STAG1: variants seen among roughly 807,000 people sequenced by gnomAD.
STAG1 encodes STAG1 cohesin complex component.
STAG1 carries 26 observed loss-of-function variants against 170.9 expected under a neutral mutation model. That is an observed-to-expected ratio of 0.15 (90% CI 0.11 to 0.21). STAG1 has a LOEUF of 0.21. Ranked by LOEUF, STAG1 falls within the 10% of genes least tolerant of loss-of-function variation. The pLI is 1.00. For synonymous variants in STAG1, 514 were observed against 497.7 expected (o/e 1.03, Z -0.44); for missense variants, 964 against 1,509.5 (o/e 0.64, Z 5.99).
intron 24 of STAG1, among the ~76,000 whole-genome samples, chr3:136,368,517 CT>C (rs1937165937): frequency 6.7e-6 from 1 of 148,560 alleles, no homozygotes; most frequent in African/African-American, 2.4e-5. Flanking sequence ...AATTATGAAC[CT>C]GGACATAGCC....
intron 20 of STAG1, among the ~76,000 whole-genome samples, chr3:136,418,213 A>G (rs959388251): frequency 1.2e-4 from 18 of 151,744 alleles, no homozygotes; most frequent in African/African-American, 4.4e-4. Context: ...CAAAAAAATT[A>G]GCTGGGCATG....
At position 136,359,139 on chromosome 3, in the gene STAG1, C is replaced by T; in HGVS notation, c.2936+9G>A. 6.3e-7 allele frequency: 1 copy of T among 1,595,676 alleles called. No homozygotes were observed. Among genetic ancestry groups the T allele is most frequent in the African/African-American group, 1.3e-5 (1 of 74,474 alleles). On this transcript the variant is annotated intron_variant, in intron 27 of 33. Transcript: ENST00000383202. ...AGATTCTGCATAACAAAGTGTTTAT[C>T]TCACTCACTTGTGAAGTGTGGCAAC...
chr3:136,427,957 G>A, intron 16 of STAG1, among the ~76,000 whole-genome samples: 1 of 152,028 alleles, frequency 6.6e-6, no homozygotes, highest in East Asian at 1.9e-4. Context: ...AAGAGAAGAG[G>A]AAAAACTGTT....
intron 9 of STAG1, among the ~76,000 whole-genome samples, chr3:136,485,655 A>G (rs773721130): frequency 6.6e-6 from 1 of 152,188 alleles, no homozygotes; most frequent in Non-Finnish European, 1.5e-5. Flanking sequence ...AAAAATTCCT[A>G]TATACGTCTG....
At chr3:136,693,075 CT>C (rs1168808551) in intron 1 of STAG1, among the ~76,000 whole-genome samples, 2 of 152,268 alleles carry the variant, frequency 1.3e-5, no homozygotes, top group East Asian at 3.9e-4. Context: ...TTATGTCTCC[CT>C]TTTAAGGAGA....
At chr3:136,369,423 G>C (rs550780490) in intron 23 of STAG1, 141 bp from the exon 24 acceptor site, 2 of 620,916 alleles carry the variant, frequency 3.2e-6, no homozygotes, top group African/African-American at 3.9e-5. Context: ...TCCAAATATT[G>C]TTATAATTTC....
At chr3:136,391,368 C>CTTTTTTTTTT (rs5852844) in intron 22 of STAG1, among the ~76,000 whole-genome samples, 2 of 124,560 alleles carry the variant, frequency 1.6e-5, no homozygotes, top group Non-Finnish European at 1.6e-5. Context: ...CTTTAGCCCT[C>CTTTTTTTTTT]TTTTTTTTTT....
chr3:136,373,457 ATCT>A (rs1410339328), intron 23 of STAG1, among the ~76,000 whole-genome samples: 2 of 151,796 alleles, frequency 1.3e-5, no homozygotes, highest in Admixed American at 6.6e-5. Flanking sequence ...TCAATTTTAG[ATCT>A]TTCCGGCTTT....
intron 16 of STAG1, among the ~76,000 whole-genome samples, chr3:136,428,749 C>A (rs1003923171): frequency 6.6e-5 from 10 of 152,094 alleles, no homozygotes; most frequent in Admixed American, 1.3e-4. Flanking sequence ...ATGACAGAAC[C>A]AATCAAGAAA....
chr3:136,422,794 T>C lies in STAG1; in HGVS notation c.1807A>G (p.Ile603Val). The C allele has an allele frequency of 1.2e-6, 2 of 1,608,348 alleles. No individual in the cohort carries two copies. The highest frequency in any genetic ancestry group is 1.7e-6 in the Non-Finnish European group (2 of 1,178,648). Reference protein sequence around the residue: ...LQIPQYFDLEIYSTGRMEKHL... With the variant: ...LQIPQYFDLEVYSTGRMEKHL... ...TTTTCCATTCTACCTGTGCTGTAGA[T>C]TTCTAAATCAAAATACTGTGGGATT... The change falls in exon 18 of 34, where the codon ATC (isoleucine) becomes GTC (valine). Residue 603 changes from isoleucine (I) to valine (V), a missense_variant. Transcript: ENST00000383202.
chr3:136,590,836 A>G (rs2107792106), intron 4 of STAG1, among the ~76,000 whole-genome samples: 1 of 152,312 alleles, frequency 6.6e-6, no homozygotes, highest in East Asian at 1.9e-4. Context: ...AATCAGTTCT[A>G]AAATATGTGC....
chr3:136,648,968 C>A (rs371085260), intron 1 of STAG1, among the ~76,000 whole-genome samples: 1 of 152,128 alleles, frequency 6.6e-6, no homozygotes, highest in Non-Finnish European at 1.5e-5. Flanking sequence ...GGATAATATT[C>A]CAATTCCTAA....
chr3:136,403,224 T>TAAAAAAAAAAAAAAAAAAAAAAAAA (rs55678408), intron 21 of STAG1, among the ~76,000 whole-genome samples: 35 of 33,606 alleles, frequency 1.0e-3, no homozygotes, highest in African/African-American at 1.4e-3. Context: ...GAGACTGTCT[T>TAAAAAAAAAAAAAAAAAAAAAAAAA]AAAAAAAAAA....
intron 25 of STAG1, among the ~76,000 whole-genome samples, chr3:136,364,824 T>C (rs1297694439): frequency 1.3e-5 from 2 of 152,204 alleles, no homozygotes; most frequent in African/African-American, 4.8e-5. Context: ...GTTTGGCAAT[T>C]AGATTTTCAA....
At chr3:136,451,179 A>G (rs1033917633) in intron 14 of STAG1, among the ~76,000 whole-genome samples, 1 of 151,962 alleles carries the variant, frequency 6.6e-6, no homozygotes, top group African/African-American at 2.4e-5. Flanking sequence ...TAAAAAAAAA[A>G]AAACCCACAC....
rs112993984 is a variant in STAG1, at chr3:136,751,150, AT to A, written c.-84+1044del. On this transcript the variant is annotated intron_variant, in intron 1 of 33. Coordinates refer to ENST00000383202, the MANE Select transcript of STAG1 (RefSeq NM_005862.3). The stretch of plus-strand genomic sequence containing the variant: ...TTAACACCAACTTTAACAGCAAATA[AT>A]TTTTTTTTATGACAAATTGCGTTTT... Among the ~76,000 whole-genome samples the A allele has an allele frequency of 3.6e-3, 520 of 146,444 alleles. 1 individual carries two copies. The highest frequency in any genetic ancestry group is 9.6e-3 in the African/African-American group (382 of 39,684).
chr3:136,516,857 A>C (rs1477675134), intron 7 of STAG1, among the ~76,000 whole-genome samples: 1 of 152,230 alleles, frequency 6.6e-6, no homozygotes, highest in African/African-American at 2.4e-5. Flanking sequence ...GTCCAAGGTT[A>C]TCCAACTAGT....
At chr3:136,470,709 C>T (rs1359601974) in intron 12 of STAG1, among the ~76,000 whole-genome samples, 1 of 152,094 alleles carries the variant, frequency 6.6e-6, no homozygotes, top group Non-Finnish European at 1.5e-5. Flanking sequence ...GCACTATTCA[C>T]AATAGCAAAG....
chr3:136,374,274 T>A (rs1046851640), intron 23 of STAG1, among the ~76,000 whole-genome samples: 2 of 151,744 alleles, frequency 1.3e-5, no homozygotes, highest in Admixed American at 1.3e-4. Context: ...CAGCACACTG[T>A]ATTTATTCAA....
Sources: gnomAD v4.1 joint callset for allele counts (sites outside exome capture counted in the v4.1 genomes callset) on GRCh38, gnomAD v4.1.1 for gene constraint, MANE v1.5 for transcripts, NCBI Gene and HGNC (gene_info 2026-07-23, HGNC 2026-07-21) for gene names.